DOK6: variants seen among roughly 807,000 people sequenced by gnomAD.
The protein encoded by DOK6 is docking protein 6.
DOK6 carries 22 observed loss-of-function variants against 44.0 expected under a neutral mutation model. The observed-to-expected ratio is 0.50, with a 90% CI of 0.36 to 0.71. The LOEUF is 0.71. DOK6 is among the 30% of genes least tolerant of loss of function. DOK6 has a pLI of 0.00. For synonymous variants in DOK6, 166 were observed against 145.5 expected (o/e 1.14, Z -1.01); for missense variants, 340 against 416.4 (o/e 0.82, Z 1.60).
intron 1 of DOK6, among the ~76,000 whole-genome samples, chr18:69,456,597 G>A (rs1391367824): frequency 2.0e-5 from 3 of 152,112 alleles, no homozygotes; most frequent in African/African-American, 7.2e-5. Flanking sequence ...CATGATTAGT[G>A]CTGCTGAGAA....
intron 7 of DOK6, among the ~76,000 whole-genome samples, chr18:69,760,499 G>A (rs1020379892): frequency 5.3e-5 from 8 of 152,130 alleles, no homozygotes; most frequent in Admixed American, 1.3e-4. Flanking sequence ...GAGCAAAGCA[G>A]GCGCCTTGAG....
intron 3 of DOK6, among the ~76,000 whole-genome samples, chr18:69,648,339 C>A (rs1985136781): frequency 6.6e-6 from 1 of 152,124 alleles, no homozygotes; most frequent in Non-Finnish European, 1.5e-5. Flanking sequence ...CAAAACAAAA[C>A]CAAAGCCCAT....
chr18:69,672,507 C>CA (rs1179492069), intron 3 of DOK6, among the ~76,000 whole-genome samples: 2 of 152,140 alleles, frequency 1.3e-5, no homozygotes, highest in African/African-American at 4.8e-5. Context: ...TACAGGCGCG[C>CA]AGCACCGCGC....
At chr18:69,797,429 T>C (rs1428248642) in intron 7 of DOK6, among the ~76,000 whole-genome samples, 1 of 152,112 alleles carries the variant, frequency 6.6e-6, no homozygotes, top group Admixed American at 6.6e-5. Flanking sequence ...AATACCCTCA[T>C]ACATTAAGGC....
intron 7 of DOK6, among the ~76,000 whole-genome samples, chr18:69,828,183 A>G (rs1179956465): frequency 6.6e-6 from 1 of 151,872 alleles, no homozygotes; most frequent in Non-Finnish European, 1.5e-5. Flanking sequence ...GCAATGAAAT[A>G]TTTATAGTTT....
rs78535738 is a variant in DOK6, at chr18:69,546,501, G to A, written c.67-17986G>A. ...AACACTTAAATAAAACCAACCCTTC[G>A]AGCAGAGATATGAGTTCTTACAGTT... On this transcript the variant is annotated intron_variant, in intron 1 of 7. Transcript: ENST00000382713. 2.0e-3 allele frequency among the ~76,000 whole-genome samples: 310 copies of A among 151,370 alleles called. 11 individuals are homozygous for A. The highest frequency in any genetic ancestry group is 3.4e-3 in the Middle Eastern group (1 of 292).
chr18:69,435,998 G>C (rs1351358542), intron 1 of DOK6, among the ~76,000 whole-genome samples: 3 of 151,652 alleles, frequency 2.0e-5, no homozygotes, highest in African/African-American at 7.3e-5. Context: ...TCTAATTTTT[G>C]TGTACTATTT....
chr18:69,420,960 C>T (rs186642960), intron 1 of DOK6, among the ~76,000 whole-genome samples: 95 of 152,240 alleles, frequency 6.2e-4, no homozygotes, highest in Non-Finnish European at 1.5e-4. Flanking sequence ...CTGATGAGTG[C>T]CTCAACCAAT....
intron 3 of DOK6, among the ~76,000 whole-genome samples, chr18:69,636,133 C>G (rs1984802703): frequency 6.6e-6 from 1 of 152,154 alleles, no homozygotes; most frequent in Non-Finnish European, 1.5e-5. Context: ...AACTGTCCTC[C>G]ATTGTAAAAT....
chr18:69,648,146 A>C (rs934601584), intron 3 of DOK6, among the ~76,000 whole-genome samples: 2 of 152,164 alleles, frequency 1.3e-5, no homozygotes, highest in African/African-American at 4.8e-5. Flanking sequence ...ACATCCAGAA[A>C]ATGAAACTAC....
rs141778919 is a variant in DOK6, at chr18:69,834,430, T to C, written c.857-6814T>C. Among the ~76,000 whole-genome samples the C allele has an allele frequency of 2.3e-3, 357 of 152,114 alleles. 3 individuals are homozygous for C. The highest frequency in any genetic ancestry group is 8.1e-3 in the African/African-American group (337 of 41,482). On this transcript the variant is annotated intron_variant, in intron 7 of 7. Coordinates refer to ENST00000382713, the MANE Select transcript of DOK6 (RefSeq NM_152721.6). ...TTGGTTAATGGAAACAAAAATACAGTTAGATAGAAGGAATAAGTTTCAGTA... is the reference window on the plus strand; with the variant it reads ...TTGGTTAATGGAAACAAAAATACAGCTAGATAGAAGGAATAAGTTTCAGTA...
At chr18:69,661,472 A>G (rs1216936839) in intron 3 of DOK6, 2 of 152,216 alleles carry the variant, frequency 1.3e-5, no homozygotes, top group African/African-American at 4.8e-5. Flanking sequence ...AAGAGCAAAA[A>G]GAAGAGACTA....
intron 3 of DOK6, chr18:69,663,397 A>G (rs996229566): frequency 6.6e-6 from 1 of 152,034 alleles, no homozygotes; most frequent in African/African-American, 2.4e-5. Context: ...AAACCTGCAC[A>G]TGTACCCATG....
At chr18:69,497,566 G>A (rs537423673) in intron 1 of DOK6, among the ~76,000 whole-genome samples, 11 of 152,260 alleles carry the variant, frequency 7.2e-5, no homozygotes, top group Non-Finnish European at 1.0e-4. Flanking sequence ...CTGAAAGGAC[G>A]GTTACTAATT....
At chr18:69,498,565 T>C (rs145221130) in intron 1 of DOK6, among the ~76,000 whole-genome samples, 4 of 152,208 alleles carry the variant, frequency 2.6e-5, no homozygotes, top group African/African-American at 9.7e-5. Context: ...GACAGTGGCT[T>C]ATTGAAAATA....
chr18:69,810,415 T>G (rs1184118705), intron 7 of DOK6, among the ~76,000 whole-genome samples: 1 of 151,938 alleles, frequency 6.6e-6, no homozygotes, highest in African/African-American at 2.4e-5. Flanking sequence ...ATGATTTTTT[T>G]GATATTATAT....
intron 3 of DOK6, among the ~76,000 whole-genome samples, chr18:69,603,493 C>T (rs994734542): frequency 6.6e-6 from 1 of 152,118 alleles, no homozygotes; most frequent in Non-Finnish European, 1.5e-5. Flanking sequence ...GGACATCTGC[C>T]GGGCGCTGTG....
At chr18:69,528,717 G>A (rs369506953) in intron 1 of DOK6, among the ~76,000 whole-genome samples, 12 of 152,190 alleles carry the variant, frequency 7.9e-5, no homozygotes, top group African/African-American at 2.4e-4. Context: ...AGCTCTATCT[G>A]GGCCTCATTA....
At chr18:69,738,192 C>A (rs770693604) in intron 5 of DOK6, among the ~76,000 whole-genome samples, 3 of 152,130 alleles carry the variant, frequency 2.0e-5, no homozygotes, top group Non-Finnish European at 4.4e-5. Context: ...AATCTAAAAT[C>A]TTTTTGGTGC....
Sources: gnomAD v4.1 joint callset for allele counts (sites outside exome capture counted in the v4.1 genomes callset) on GRCh38, gnomAD v4.1.1 for gene constraint, MANE v1.5 for transcripts, NCBI Gene and HGNC (gene_info 2026-07-23, HGNC 2026-07-21) for gene names.